DST: variants seen among roughly 807,000 people sequenced by gnomAD.
The protein encoded by DST is bullous pemphigoid antigen.
A neutral mutation model predicts 875.2 loss-of-function variants in DST; 253 were observed. The observed-to-expected ratio is 0.29, with a 90% CI of 0.26 to 0.32. DST has a LOEUF of 0.32. Ranked by LOEUF, DST falls within the 10% of genes least tolerant of loss-of-function variation. The probability of loss-of-function intolerance (pLI) is 1.00; values close to 1 mark genes in which losing one functional copy is unlikely to be tolerated. For synonymous variants in DST, 3,124 were observed against 3,197.1 expected, an observed-to-expected ratio of 0.98 and a Z score of 0.77; for missense variants, 8,287 against 9,111.6, an observed-to-expected ratio of 0.91 and a Z score of 3.68.
At chr6:56,757,412 G>A (rs972269708) in intron 4 of DST, among the ~76,000 whole-genome samples, 3 of 152,176 alleles carry the variant, frequency 2.0e-5, no homozygotes, top group Non-Finnish European at 2.9e-5. Context: ...GCAATATACA[G>A]TGTGGCCCAA....
chr6:56,722,886 T>C (rs1299960474), intron 5 of DST, among the ~76,000 whole-genome samples: 1 of 152,240 alleles, frequency 6.6e-6, no homozygotes, highest in Non-Finnish European at 1.5e-5. Flanking sequence ...TGGCATTGTA[T>C]AGCTCTGATT....
At chr6:56,581,537 T>A (rs565670613) in intron 49 of DST, among the ~76,000 whole-genome samples, 1 of 152,044 alleles carries the variant, frequency 6.6e-6, no homozygotes, top group South Asian at 2.1e-4. Context: ...GGCTCAACAA[T>A]GGGAAGGAGG....
At chr6:56,927,052 T>C (rs1257516959) in intron 2 of DST, among the ~76,000 whole-genome samples, 1 of 152,152 alleles carries the variant, frequency 6.6e-6, no homozygotes, top group Admixed American at 6.5e-5. Flanking sequence ...TAGATGCATA[T>C]GTACAATAAT....
intron 2 of DST, among the ~76,000 whole-genome samples, chr6:56,915,446 G>C (rs1215881203): frequency 6.6e-6 from 1 of 152,066 alleles, no homozygotes; most frequent in Non-Finnish European, 1.5e-5. Flanking sequence ...AGAGAGGTGT[G>C]GTGAGAAAAG....
chr6:56,821,418 T>G (rs995496748), intron 4 of DST, among the ~76,000 whole-genome samples: 2 of 152,096 alleles, frequency 1.3e-5, no homozygotes, highest in Admixed American at 1.3e-4. Context: ...GACCAGGAGG[T>G]AGAAGTATAC....
Position 56,485,362 on chromosome 6 carries a change from G to T in DST, c.21157C>A (p.Pro7053Thr), listed in dbSNP as rs2095527058. 6.2e-7 allele frequency: 1 copy of T among 1,613,836 alleles called. No homozygotes were observed. Among genetic ancestry groups the T allele is most frequent in the Non-Finnish European group, 8.5e-7 (1 of 1,179,820 alleles). The change falls in exon 88 of 104, where the codon CCT becomes ACT. Residue 7053 changes from proline (P) to threonine (T), a missense_variant. Physicochemically the swap from Pro to Thr is conservative, Grantham distance 38. Coordinates refer to ENST00000680361, the MANE Select transcript of DST (RefSeq NM_001374736.1). ...ACCAAATCAATGTCTCCATGAACAG[G>T]CTGGTCTTCTGCCAGCTGGGGTTCA... is the stretch of plus-strand genomic sequence containing the variant. ...RVEPQLAEDQ[P>T]VHGDIDLVMN...
rs1253319209 is a variant in DST at position 56,553,479 on chromosome 6, T to C, written c.15313A>G (p.Lys5105Glu). 1 of 1,613,292 alleles carries C rather than the reference T, an allele frequency of 6.2e-7. No individual in the cohort carries two copies. The highest frequency in any genetic ancestry group is 1.1e-5 in the South Asian group (1 of 90,870). The change falls in exon 61 of 104, where the codon AAA (lysine) becomes GAA (glutamate). Residue 5105 changes from lysine (K) to glutamate (E), a missense_variant. Physicochemically the swap from Lys to Glu is moderately conservative, Grantham distance 56. Around this residue, in one of 10 missense-constraint regions of DST, gnomAD observed 1,513 missense variants for 1,677.8 expected, o/e 0.90. Coordinates refer to ENST00000680361, the MANE Select transcript of DST (RefSeq NM_001374736.1). The stretch of plus-strand genomic sequence containing the variant: ...ATATGAGACTGAGCGGTCAAAGTTT[T>C]ACTAAAGTCTTTATGATCTTTAATT... ...SLIKDHKDFS[K>E]TLTAQSHMYE...
Position 56,655,160 on chromosome 6 carries a change from CAAAAAAAAAAA to C in DST, c.1215-3927_1215-3917del, listed in dbSNP as rs11365303. On this transcript the variant is annotated intron_variant, in intron 10 of 103. Transcript: ENST00000680361. ...TGGGTGACAGAGCGAGACTTTGCCT[CAAAAAAAAAAA>C]AAAAAAAAAAAAGATTAGCACAACA... Among the ~76,000 whole-genome samples, 13 of 57,356 alleles carry C rather than the reference CAAAAAAAAAAA, an allele frequency of 2.3e-4. No homozygotes were observed. The East Asian group carries it at 4.4e-3, about 19-fold the overall frequency. The allele number at this position is 57,356 out of a possible 152,430, so 37.6% of individuals were successfully genotyped here. A position where few individuals can be genotyped will look rare whatever the true frequency, so the allele number is the denominator to read the frequency against.
intron 9 of DST, among the ~76,000 whole-genome samples, chr6:56,685,332 C>T (rs947169282): frequency 1.3e-5 from 2 of 152,146 alleles, no homozygotes; most frequent in Non-Finnish European, 2.9e-5. Context: ...ATGTCCATTG[C>T]CTGCTTTTTA....
At position 56,459,045 on chromosome 6, in the gene DST, T is replaced by C. The variant is rs2094189091; in HGVS notation, c.23417A>G (p.Lys7806Arg). 6.2e-7 allele frequency: 1 copy of C among 1,612,736 alleles called. No homozygotes were observed. The highest frequency in any genetic ancestry group is 8.5e-7 in the Non-Finnish European group (1 of 1,178,920). Reference protein sequence around the residue: ...KPSKIPTPQRKSPASKLDKSS... With the variant: ...KPSKIPTPQRRSPASKLDKSS... ...CTTGTCCAATTTGCTGGCAGGTGATTTCCTCTGGGGCGTGGGGATTTTTGA... is the reference window on the plus strand; with the variant it reads ...CTTGTCCAATTTGCTGGCAGGTGATCTCCTCTGGGGCGTGGGGATTTTTGA... Residue 7806 changes from lysine to arginine, a missense_variant, in exon 104 of 104, where the codon AAA becomes AGA. Coordinates refer to ENST00000680361, the MANE Select transcript of DST (RefSeq NM_001374736.1).
intron 61 of DST, among the ~76,000 whole-genome samples, chr6:56,549,534 T>C (rs78467881): frequency 1.3e-4 from 20 of 152,300 alleles, no homozygotes; most frequent in African/African-American, 4.8e-4. Context: ...AAGAAAGATA[T>C]AATCACTAAA....
In DST at chr6:56,922,494, T is replaced by C. The variant is rs563102097; in HGVS notation, c.217-21873A>G. 1.1e-4 allele frequency among the ~76,000 whole-genome samples: 17 copies of C among 152,320 alleles called. No homozygotes were observed. In the South Asian group the frequency reaches 2.1e-3, roughly 19 times the overall value. On this transcript the variant is annotated intron_variant, in intron 2 of 103. Coordinates refer to ENST00000680361, the MANE Select transcript of DST (RefSeq NM_001374736.1). ...AGTTCATGAGGCACTGTCTTATAGA[T>C]ACACTGATTCTACTCTCTTGAGGGT...
Position 56,606,922 on chromosome 6 carries a change from T to C in DST, c.7706A>G (p.Asn2569Ser). The change falls in exon 40 of 104, where the codon AAT becomes AGT. Residue 2569 changes from asparagine (N) to serine (S), a missense_variant. By Grantham distance (46) the Asn-to-Ser change is conservative. Around this residue, in one of 10 missense-constraint regions of DST, gnomAD observed 3,138 missense variants for 3,116.6 expected, o/e 1.01. Coordinates refer to ENST00000680361, the MANE Select transcript of DST (RefSeq NM_001374736.1). ...AGCACAAGTAAGAGACACAATGGCA[T>C]TATCAGTATCACCCCCTGGAGTCAC... Reference protein sequence around the residue: ...CAVTPGGDTDNAIVSLTCATP... With the variant: ...CAVTPGGDTDSAIVSLTCATP... The C allele has an allele frequency of 1.2e-6, 2 of 1,613,472 alleles. No homozygotes were observed.
At chr6:56,939,578 A>T (rs1457414654) in intron 2 of DST, among the ~76,000 whole-genome samples, 1 of 152,254 alleles carries the variant, frequency 6.6e-6, no homozygotes, top group African/African-American at 2.4e-5. Flanking sequence ...TAAAGATTAG[A>T]AAGTTCCCCT....
intron 4 of DST, among the ~76,000 whole-genome samples, chr6:56,793,083 A>C (rs1210179863): frequency 7.0e-6 from 1 of 143,288 alleles, no homozygotes; most frequent in African/African-American, 2.9e-5. Context: ...AAAAAAAAAA[A>C]AAAAAAAAAA....
chr6:56,558,191 T>C (rs892258138), intron 58 of DST, among the ~76,000 whole-genome samples: 2 of 152,194 alleles, frequency 1.3e-5, no homozygotes, highest in Non-Finnish European at 2.9e-5. Context: ...AGCCCTCCTT[T>C]ACATTCTCAA....
At position 56,470,145 on chromosome 6, in the gene DST, C is replaced by T. The variant is rs2094812443; in HGVS notation, c.22459G>A (p.Asp7487Asn). The T allele has an allele frequency of 6.2e-7, 1 of 1,612,186 alleles. No individual in the cohort carries two copies. The highest frequency in any genetic ancestry group is 8.5e-7 in the Non-Finnish European group (1 of 1,178,962). Residue 7487 changes from aspartate to asparagine, a missense_variant, in exon 96 of 104, where the codon GAC becomes AAC. By Grantham distance (23) the Asp-to-Asn change is conservative. This residue lies in a region of DST where 87 missense variants were observed against 209.7 expected (regional missense o/e 0.41). Transcript: ENST00000680361. ...ATGAGTACCTCATCTTCGATTTTGT[C>T]GGCATCTGTGATAGGTTTATATGCA... ...KDAYKPITDA[D>N]KIEDEVTRQV...
chr6:56,879,284 C>T (rs1339579707), intron 3 of DST, among the ~76,000 whole-genome samples: 16 of 151,896 alleles, frequency 1.1e-4, no homozygotes, highest in African/African-American at 1.7e-4. Context: ...CTGGCTAACA[C>T]GGTGAAACCC....
intron 2 of DST, among the ~76,000 whole-genome samples, chr6:56,948,020 A>G (rs1444531391): frequency 6.6e-6 from 1 of 152,190 alleles, no homozygotes; most frequent in Non-Finnish European, 1.5e-5. Context: ...ATCAATCAGA[A>G]TATGTTTTCT....
Sources: gnomAD v4.1 joint callset for allele counts (sites outside exome capture counted in the v4.1 genomes callset) on GRCh38, gnomAD v4.1.1 for gene constraint, gnomAD v4.1.1 regional missense constraint, MANE v1.5 for transcripts, NCBI Gene and HGNC (gene_info 2026-07-23, HGNC 2026-07-21) for gene names.